The following FAM228A variants were observed in gnomAD, a reference collection of about 807,000 sequenced individuals.
The protein encoded by FAM228A is family with sequence similarity 228 member A.
Under a neutral mutation model 18.6 loss-of-function variants are expected in FAM228A, and 13 were observed. The observed-to-expected ratio is 0.70, with a 90% CI of 0.45 to 1.11. FAM228A has a LOEUF of 1.11. Ranked by LOEUF, FAM228A falls within the 50% of genes least tolerant of loss-of-function variation. The probability of loss-of-function intolerance (pLI) is 0.00; values close to 1 mark genes in which losing one functional copy is unlikely to be tolerated. For missense variants in FAM228A, 240 were observed against 242.2 expected, an observed-to-expected ratio of 0.99 and a Z score of 0.06; for synonymous variants, 77 against 86.6, an observed-to-expected ratio of 0.89 and a Z score of 0.61.
chr2:24,175,614 G>C, intron 2 of FAM228A, 41 bp downstream of exon 2: 2 of 1,457,104 alleles, frequency 1.4e-6, no homozygotes, highest in South Asian at 1.1e-5. Context: ...TTTGGCGGGG[G>C]GACCCCTCGA....
chr2:24,183,932 G>A (rs1208385340), intron 5 of FAM228A, among the ~76,000 whole-genome samples: 2 of 152,078 alleles, frequency 1.3e-5, no homozygotes, highest in South Asian at 2.1e-4. Context: ...CACTTTATAA[G>A]TGTTCACCTC....
rs1169233564 is a variant in FAM228A at position 24,184,826 on chromosome 2, C to CT, written c.401+1196dup. ...ATGTCTTTTCCAAAAGCTGTATGGC[C>CT]TTTTTTTTTTTTTTTGAGATGGAGT... On this transcript the variant is annotated intron_variant, in intron 5 of 5. Coordinates refer to ENST00000295150, the MANE Select transcript of FAM228A (RefSeq NM_001040710.3). Among the ~76,000 whole-genome samples the CT allele has an allele frequency of 6.9e-3, 948 of 138,374 alleles. 15 individuals are homozygous for CT. The highest frequency in any genetic ancestry group is 0.028 in the East Asian group (137 of 4,880). The allele number at this position is 138,374 out of a possible 152,430, so 90.8% of individuals were successfully genotyped here. A position where few individuals can be genotyped will look rare whatever the true frequency, so the allele number is the denominator to read the frequency against.
At chr2:24,186,017 T>C (rs1363820973) in intron 5 of FAM228A, among the ~76,000 whole-genome samples, 1 of 152,218 alleles carries the variant, frequency 6.6e-6, no homozygotes, top group South Asian at 2.1e-4. Context: ...GGATTTTCTA[T>C]GTACACAATA....
chr2:24,187,869 T>C (rs13395596), intron 5 of FAM228A, among the ~76,000 whole-genome samples: 35,498 of 152,190 alleles, frequency 0.23, 4,723 homozygotes, highest in Non-Finnish European at 0.3. Context: ...GATGCTTTTA[T>C]GATTTTCTCA....
chr2:24,191,189 G>A lies in FAM228A; in HGVS notation c.*558G>A, dbSNP rs1047329748. The A allele has an allele frequency of 9.0e-5, 89 of 985,312 alleles. No homozygotes were observed. Among genetic ancestry groups the A allele is most frequent in the South Asian group, 1.4e-4 (3 of 21,272 alleles). The allele number at this position is 985,312 out of a possible 1,614,324, so 61.0% of individuals were successfully genotyped here. On this transcript the variant is annotated 3_prime_UTR_variant, in exon 6 of 6. Transcript: ENST00000295150. Reference sequence around the variant, plus strand: ...GTCTATTTCCCCTTCCATTCTCTCCGCCACGCCCTGTGCCCTGAGGCCTGA... The same window carrying A: ...GTCTATTTCCCCTTCCATTCTCTCCACCACGCCCTGTGCCCTGAGGCCTGA...
intron 5 of FAM228A, among the ~76,000 whole-genome samples, chr2:24,189,045 AG>A (rs1244708809): frequency 6.6e-6 from 1 of 152,174 alleles, no homozygotes; most frequent in Non-Finnish European, 1.5e-5. Flanking sequence ...GTAATTACAT[AG>A]CCCCCCCACC....
rs748297020 is a variant in FAM228A, at chr2:24,183,656, G to A, written c.401+11G>A. 1 of 1,568,284 alleles carries A rather than the reference G, an allele frequency of 6.4e-7. No individual in the cohort carries two copies. Among genetic ancestry groups the A allele is most frequent in the East Asian group, 2.3e-5 (1 of 44,250 alleles). On this transcript the variant is annotated intron_variant, in intron 5 of 5. Coordinates refer to ENST00000295150, the MANE Select transcript of FAM228A (RefSeq NM_001040710.3). ...AACTTACAAATACAGGTACAGATGA[G>A]CAGAACAAACAAATATTTGTTTAAC...
At chr2:24,183,709 G>GCT (rs1667871754) in intron 5 of FAM228A, 64 bp downstream of exon 5, 1 of 1,410,866 alleles carries the variant, frequency 7.1e-7, no homozygotes, top group Non-Finnish European at 9.6e-7. Flanking sequence ...TCCTACTGAA[G>GCT]CTCTTGTAAC....
intron 3 of FAM228A, among the ~76,000 whole-genome samples, chr2:24,178,141 G>C (rs778993329): frequency 2.0e-5 from 3 of 152,158 alleles, no homozygotes; most frequent in African/African-American, 4.8e-5. Context: ...TCCTGGTACC[G>C]AATAGAAATT....
Position 24,191,537 on chromosome 2 carries a change from A to G in FAM228A, c.*906A>G, listed in dbSNP as rs1225229127. The G allele has an allele frequency of 1.0e-6, 1 of 969,804 alleles. No homozygotes were observed. Among genetic ancestry groups the G allele is most frequent in the African/African-American group, 1.8e-5 (1 of 57,040 alleles). 60.1% of individuals were successfully genotyped at this position (969,804 alleles called of 1,614,324 possible). ...TGTATTTTTCAAATATTCAAGATGT[A>G]CAACGTGATGATTTGCTATAGGTAT... On this transcript the variant is annotated 3_prime_UTR_variant, in exon 6 of 6. Coordinates refer to ENST00000295150, the MANE Select transcript of FAM228A (RefSeq NM_001040710.3).
chr2:24,183,184 T>C (rs1001885712), intron 3 of FAM228A, 101 bp from the exon 4 acceptor site: 1 of 861,072 alleles, frequency 1.2e-6, no homozygotes, highest in East Asian at 2.5e-5. Context: ...CCCACTCTTG[T>C]AGTCCTCAGG....
intron 5 of FAM228A, among the ~76,000 whole-genome samples, chr2:24,185,245 C>G (rs1667920178): frequency 6.6e-6 from 1 of 152,148 alleles, no homozygotes; most frequent in Non-Finnish European, 1.5e-5. Flanking sequence ...TTCCTCAGTA[C>G]CATTTATTGA....
chr2:24,175,696 T>C, intron 2 of FAM228A, 123 bp downstream of exon 2: 1 of 801,510 alleles, frequency 1.2e-6, no homozygotes, highest in Non-Finnish European at 2.0e-6. Flanking sequence ...AAAGCAGGCG[T>C]TGAAGGGGAA....
rs1462457502 is a variant in FAM228A at position 24,183,582 on chromosome 2, G to A, written c.338G>A (p.Cys113Tyr). Residue 113 changes from cysteine (C) to tyrosine (Y), a missense_variant, in exon 5 of 6, where the codon TGT becomes TAT. By Grantham distance (194) the Cys-to-Tyr change is radical (BLOSUM62 -2). Transcript: ENST00000295150. The stretch of plus-strand genomic sequence containing the variant: ...CCCTACTTCACTTTCACTTCACACT[G>A]TGTGATTCCAAAAGAGTGGCATAAA... ...SSPYFTFTSH[C>Y]VIPKEWHKAS... 2 of 1,613,906 alleles carry A rather than the reference G, an allele frequency of 1.2e-6. No individual in the cohort carries two copies. Among genetic ancestry groups the A allele is most frequent in the Non-Finnish European group, 1.7e-6 (2 of 1,179,942 alleles).
chr2:24,188,878 A>G (rs1558405703), intron 5 of FAM228A, among the ~76,000 whole-genome samples: 1 of 151,878 alleles, frequency 6.6e-6, no homozygotes, highest in Non-Finnish European at 1.5e-5. Flanking sequence ...TCTGTTATAC[A>G]CTCTCAATAT....
chr2:24,178,550 G>A (rs1421605318), intron 3 of FAM228A, among the ~76,000 whole-genome samples: 2 of 152,144 alleles, frequency 1.3e-5, no homozygotes, highest in East Asian at 3.8e-4. Context: ...CTCCAGCCTG[G>A]GTGACAGAGT....
intron 3 of FAM228A, among the ~76,000 whole-genome samples, chr2:24,180,388 G>GT (rs1413591212): frequency 1.3e-5 from 2 of 152,102 alleles, no homozygotes; most frequent in Non-Finnish European, 2.9e-5. Flanking sequence ...GGAGGCGGAG[G>GT]TTGCAGTGAG....
chr2:24,180,360 G>A (rs1667788391), intron 3 of FAM228A, among the ~76,000 whole-genome samples: 1 of 152,088 alleles, frequency 6.6e-6, no homozygotes. Flanking sequence ...GTTGAGGTGG[G>A]AGGATCACTT....
In FAM228A at chr2:24,183,637, C is replaced by A. The variant is rs1392215900; in HGVS notation, c.393C>A (p.Tyr131Ter). The A allele has an allele frequency of 1.2e-6, 2 of 1,600,972 alleles. No homozygotes were observed. Among genetic ancestry groups the A allele is most frequent in the South Asian group, 1.1e-5 (1 of 88,088 alleles). ...KASARARSKT[Y>*]KYSPEKLIYA... ...CTGCAAGAGCCAGGAGTAAAACTTA[C>A]AAATACAGGTACAGATGAGCAGAAC... Residue 131 changes from tyrosine to a stop codon, truncating the protein, a stop_gained, in exon 5 of 6, where the codon TAC (tyrosine) becomes TAA (stop). Coordinates refer to ENST00000295150, the MANE Select transcript of FAM228A (RefSeq NM_001040710.3). LOFTEE classifies it low-confidence loss of function (END_TRUNC).
Sources: gnomAD v4.1 joint callset for allele counts (sites outside exome capture counted in the v4.1 genomes callset) on GRCh38, gnomAD v4.1.1 for gene constraint, MANE v1.5 for transcripts, NCBI Gene and HGNC (gene_info 2026-07-23, HGNC 2026-07-21) for gene names.